Variants in GRID2 observed in about 807,000 individuals in gnomAD.
GRID2 encodes glutamate ionotropic receptor delta type subunit 2, also known as glutamate receptor ionotropic, delta-2.
A neutral mutation model predicts 114.8 loss-of-function variants in GRID2; 33 were observed. The ratio of observed to expected loss-of-function variants is 0.29; its 90% confidence interval spans 0.22 to 0.38. The LOEUF is 0.38. Ranked by LOEUF, GRID2 falls within the 10% of genes least tolerant of loss-of-function variation. GRID2 has a pLI of 1.00. For synonymous variants in GRID2, 505 were observed against 449.9 expected, an observed-to-expected ratio of 1.12 and a Z score of -1.55; for missense variants, 1,184 against 1,257.7, an observed-to-expected ratio of 0.94 and a Z score of 0.89.
intron 12 of GRID2, among the ~76,000 whole-genome samples, chr4:93,504,224 T>C (rs79172156): frequency 3.9e-5 from 6 of 152,232 alleles, no homozygotes; most frequent in African/African-American, 1.2e-4. Context: ...GAATTCACAC[T>C]GTATTTCATT....
chr4:93,318,949 G>A (rs562985356), intron 8 of GRID2: 11 of 152,172 alleles, frequency 7.2e-5, no homozygotes, highest in East Asian at 1.9e-4. Context: ...TGAACAACTC[G>A]TTCTCTCCCA....
intron 1 of GRID2, among the ~76,000 whole-genome samples, chr4:92,328,783 G>C (rs1321160120): frequency 2.0e-5 from 3 of 152,030 alleles, no homozygotes; most frequent in Non-Finnish European, 4.4e-5. Flanking sequence ...GTACCTGTAA[G>C]AAATGAATCT....
chr4:92,328,555 G>A (rs1238464397), intron 1 of GRID2, among the ~76,000 whole-genome samples: 2 of 151,988 alleles, frequency 1.3e-5, no homozygotes, highest in Admixed American at 6.6e-5. Flanking sequence ...CACTAGAGAC[G>A]ATAGATTGGA....
chr4:92,811,242 T>C (rs1740650939), intron 2 of GRID2, among the ~76,000 whole-genome samples: 1 of 152,196 alleles, frequency 6.6e-6, no homozygotes, highest in African/African-American at 2.4e-5. Flanking sequence ...TTTTATACTA[T>C]AATTTTTCTT....
At chr4:92,867,515 C>A (rs1224844019) in intron 2 of GRID2, among the ~76,000 whole-genome samples, 1 of 151,062 alleles carries the variant, frequency 6.6e-6, no homozygotes, top group African/African-American at 2.4e-5. Context: ...TCCAGTCAGT[C>A]AAAAATGGTA....
chr4:92,970,468 A>G (rs1442979060), intron 2 of GRID2, among the ~76,000 whole-genome samples: 1 of 152,026 alleles, frequency 6.6e-6, no homozygotes, highest in Non-Finnish European at 1.5e-5. Flanking sequence ...TTTAATAAAT[A>G]ATAGTGCACA....
At chr4:92,657,144 G>A (rs769941045) in intron 2 of GRID2, among the ~76,000 whole-genome samples, 3 of 151,190 alleles carry the variant, frequency 2.0e-5, no homozygotes, top group African/African-American at 4.8e-5. Flanking sequence ...GGAAGAAAGA[G>A]TGATTATTCA....
chr4:92,986,154 T>C (rs1377223848), intron 2 of GRID2, among the ~76,000 whole-genome samples: 4 of 152,148 alleles, frequency 2.6e-5, no homozygotes, highest in Non-Finnish European at 4.4e-5. Context: ...AGATTAAATG[T>C]CATACATAAG....
At chr4:92,761,635 G>C (rs1352587420) in intron 2 of GRID2, among the ~76,000 whole-genome samples, 1 of 152,060 alleles carries the variant, frequency 6.6e-6, no homozygotes, top group East Asian at 1.9e-4. Flanking sequence ...TGGGCTGTGA[G>C]GGACACTGCA....
chr4:92,535,821 C>A (rs372556792), intron 1 of GRID2, among the ~76,000 whole-genome samples: 1 of 152,172 alleles, frequency 6.6e-6, no homozygotes, highest in African/African-American at 2.4e-5. Flanking sequence ...GGAGTTTCTT[C>A]CTTTTGGCGG....
At chr4:92,994,595 A>G (rs1188440613) in intron 2 of GRID2, among the ~76,000 whole-genome samples, 1 of 152,120 alleles carries the variant, frequency 6.6e-6, no homozygotes, top group East Asian at 1.9e-4. Flanking sequence ...AAGTGCTGAG[A>G]TTACAGGCAT....
At chr4:92,474,630 A>G (rs1341731626) in intron 1 of GRID2, among the ~76,000 whole-genome samples, 3 of 151,968 alleles carry the variant, frequency 2.0e-5, no homozygotes, top group Non-Finnish European at 4.4e-5. Flanking sequence ...TTACATTCTC[A>G]CCAATACTGT....
At chr4:92,465,836 C>T (rs1721725614) in intron 1 of GRID2, among the ~76,000 whole-genome samples, 1 of 151,790 alleles carries the variant, frequency 6.6e-6, no homozygotes, top group Admixed American at 6.6e-5. Context: ...AACATGTTTG[C>T]ATAAATCCTG....
intron 2 of GRID2, among the ~76,000 whole-genome samples, chr4:92,913,716 TACTG>T (rs2149493410): frequency 6.6e-6 from 1 of 152,092 alleles, no homozygotes; most frequent in East Asian, 1.9e-4. Context: ...ATGAATAACT[TACTG>T]GTTGAGAGAG....
chr4:92,904,634 C>T (rs1747819510), intron 2 of GRID2, among the ~76,000 whole-genome samples: 1 of 151,544 alleles, frequency 6.6e-6, no homozygotes, highest in Non-Finnish European at 1.5e-5. Flanking sequence ...TAGGCCAGAC[C>T]TCAAAAATAA....
At chr4:93,522,679 G>A (rs746249813) in intron 13 of GRID2, among the ~76,000 whole-genome samples, 19 of 152,062 alleles carry the variant, frequency 1.2e-4, no homozygotes, top group Non-Finnish European at 2.2e-4. Flanking sequence ...AATGCATTGC[G>A]GGCCTAGATG....
At chr4:93,161,349 C>T (rs938963902) in intron 4 of GRID2, among the ~76,000 whole-genome samples, 1 of 151,820 alleles carries the variant, frequency 6.6e-6, no homozygotes, top group Non-Finnish European at 1.5e-5. Flanking sequence ...CTCATCATTT[C>T]TGTGACCTTT....
chr4:93,188,057 T>A (rs921697421), intron 4 of GRID2, among the ~76,000 whole-genome samples: 1 of 151,472 alleles, frequency 6.6e-6, no homozygotes, highest in Non-Finnish European at 1.5e-5. Flanking sequence ...ATGCAACCAG[T>A]ATTGCAGCTC....
intron 4 of GRID2, among the ~76,000 whole-genome samples, chr4:93,138,662 A>G (rs1735492766): frequency 6.6e-6 from 1 of 152,184 alleles, no homozygotes; most frequent in South Asian, 2.1e-4. Context: ...CATGCCTCAC[A>G]CAACTTCACT....
Sources: allele counts gnomAD v4.1 joint callset (sites outside exome capture counted in the v4.1 genomes callset), GRCh38; gene constraint gnomAD v4.1.1; transcripts MANE v1.5; gene names NCBI Gene and HGNC (gene_info 2026-07-23, HGNC 2026-07-21).